DCHS2: variants seen among roughly 807,000 people sequenced by gnomAD.
DCHS2 encodes the protein dachsous cadherin-related 2, also known as protocadherin-23.
A neutral mutation model predicts 182.4 loss-of-function variants in DCHS2; 142 were observed. That is an observed-to-expected ratio of 0.78 (90% CI 0.68 to 0.89). DCHS2 has a LOEUF of 0.89. DCHS2 is among the 40% of genes least tolerant of loss of function. DCHS2 has a pLI of 0.00. For missense variants in DCHS2, 4,319 were observed against 4,198.6 expected, an observed-to-expected ratio of 1.03 and a Z score of -0.79; for synonymous variants, 1,740 against 1,663.3, an observed-to-expected ratio of 1.05 and a Z score of -1.12.
intron 3 of DCHS2, among the ~76,000 whole-genome samples, chr4:154,338,436 A>G (rs1335467990): frequency 6.6e-6 from 1 of 152,208 alleles, no homozygotes. Flanking sequence ...AATAATAATG[A>G]AAATACAAAA....
At chr4:154,362,624 T>C (rs1182848560) in intron 3 of DCHS2, among the ~76,000 whole-genome samples, 1 of 151,992 alleles carries the variant, frequency 6.6e-6, no homozygotes, top group Non-Finnish European at 1.5e-5. Context: ...ATTGCGTGAG[T>C]CCACTTATAC....
In DCHS2 at chr4:154,240,589, C is replaced by T. The variant is rs148775215; in HGVS notation, c.7307G>A (p.Arg2436His). Residue 2436 changes from arginine (R) to histidine (H), a missense_variant, in exon 18 of 20, where the codon CGT becomes CAT. Coordinates refer to ENST00000357232, the MANE Select transcript of DCHS2 (RefSeq NM_001358235.2). ...VHYTEGALVVRVLDVNDNPPV... is the reference protein window; with the variant it reads ...VHYTEGALVVHVLDVNDNPPV... ...TGGATTATCATTGACATCCAGCACA[C>T]GGACTACAAGTGCTCCCTCTGTGTA... 3.2e-5 allele frequency: 52 copies of T among 1,613,826 alleles called. No individual in the cohort carries two copies. The highest frequency in any genetic ancestry group is 4.5e-5 in the East Asian group (2 of 44,820).
intron 1 of DCHS2, among the ~76,000 whole-genome samples, chr4:154,454,249 A>G (rs186907860): frequency 7.9e-5 from 12 of 152,158 alleles, no homozygotes; most frequent in Admixed American, 2.0e-4. Flanking sequence ...CAATCTGCCT[A>G]TTCTTTTGTT....
At chr4:154,396,460 T>C (rs1362196031) in intron 1 of DCHS2, among the ~76,000 whole-genome samples, 1 of 152,168 alleles carries the variant, frequency 6.6e-6, no homozygotes, top group Non-Finnish European at 1.5e-5. Context: ...CATTCTCTAA[T>C]CAGCTCTAAC....
At chr4:154,259,197 C>A (rs1004154413) in intron 15 of DCHS2, among the ~76,000 whole-genome samples, 1 of 152,086 alleles carries the variant, frequency 6.6e-6, no homozygotes, top group Non-Finnish European at 1.5e-5. Flanking sequence ...TACACTCCTC[C>A]TTCAGGAGGA....
Position 154,491,788 on chromosome 4 carries a change from A to C in DCHS2, c.-433T>G. The C allele has an allele frequency of 1.0e-6, 1 of 971,868 alleles. No individual in the cohort carries two copies. Among genetic ancestry groups the C allele is most frequent in the Non-Finnish European group, 1.2e-6 (1 of 826,810 alleles). 60.2% of individuals were successfully genotyped at this position (971,868 alleles called of 1,614,324 possible). A position where few individuals can be genotyped will look rare whatever the true frequency, so the allele number is the denominator to read the frequency against. ...GAGAGGATGGGGATCTGGCCGGAGT[A>C]GGGGGTGGAGTAAGGGCGTGGAGGC... On this transcript the variant is annotated 5_prime_UTR_variant, in exon 1 of 20. Transcript: ENST00000357232.
At chr4:154,378,899 C>A (rs1004049556) in intron 1 of DCHS2, among the ~76,000 whole-genome samples, 5 of 152,118 alleles carry the variant, frequency 3.3e-5, no homozygotes, top group Non-Finnish European at 4.4e-5. Context: ...TTATGTGTAG[C>A]ACCATTCCAA....
chr4:154,333,362 G>T lies in DCHS2; in HGVS notation c.2846C>A (p.Thr949Lys), dbSNP rs757604120. 1.1e-5 allele frequency: 18 copies of T among 1,614,052 alleles called. No individual in the cohort carries two copies. In the South Asian group the frequency reaches 1.6e-4, roughly 15 times the overall value. Residue 949 changes from threonine (T) to lysine (K), a missense_variant, in exon 5 of 20, where the codon ACG (threonine) becomes AAG (lysine). Thr to Lys is a moderately conservative substitution (Grantham distance 78). Transcript: ENST00000357232. ...GGCGCTGCCGAGCTGCGCCTGCACCGTGAGCACAACCACGGGCTGCGTCTC... is the reference window on the plus strand; with the variant it reads ...GGCGCTGCCGAGCTGCGCCTGCACCTTGAGCACAACCACGGGCTGCGTCTC... ...DHETQPVVVL[T>K]VQAQLGSAPA...
chr4:154,323,788 T>C (rs150048891), intron 7 of DCHS2, among the ~76,000 whole-genome samples: 1,900 of 152,056 alleles, frequency 0.012, 28 homozygotes, highest in African/African-American at 0.042. Flanking sequence ...ATATAAAAAA[T>C]GAATTTCATG....
At chr4:154,337,599 T>C (rs116265020) in intron 3 of DCHS2, among the ~76,000 whole-genome samples, 1,922 of 152,258 alleles carry the variant, frequency 0.013, 43 homozygotes, top group African/African-American at 0.043. Flanking sequence ...CTCTGTACAG[T>C]ACCTTTTGCT....
chr4:154,336,476 C>T (rs549710312), intron 3 of DCHS2, among the ~76,000 whole-genome samples: 11 of 152,212 alleles, frequency 7.2e-5, no homozygotes, highest in African/African-American at 2.6e-4. Flanking sequence ...CTGGCCATAA[C>T]AATTAGTTAA....
At chr4:154,450,862 C>T (rs779836768) in intron 1 of DCHS2, among the ~76,000 whole-genome samples, 4 of 152,008 alleles carry the variant, frequency 2.6e-5, no homozygotes, top group Admixed American at 6.6e-5. Context: ...AGGCGGCTTC[C>T]ACCTCAGTGA....
intron 1 of DCHS2, among the ~76,000 whole-genome samples, chr4:154,429,701 T>C (rs1465753996): frequency 4.6e-5 from 7 of 151,792 alleles, no homozygotes; most frequent in Non-Finnish European, 7.4e-5. Flanking sequence ...TTTTTTTTTT[T>C]CTATTAGATA....
At position 154,490,350 on chromosome 4, in the gene DCHS2, G is replaced by T. The variant is rs1323929889; in HGVS notation, c.1006C>A (p.Arg336Ser). ...CCCGCCCCAGGCACTTGCCGGGCGC[G>T]GACGCTGTAGCGCACGAAGCCATTG... Reference protein sequence around the residue: ...GPNGFVRYSVRARQVPGAGSG... With the variant: ...GPNGFVRYSVSARQVPGAGSG... The change falls in exon 1 of 20, where the codon CGC becomes AGC. Residue 336 changes from arginine (R) to serine (S), a missense_variant. Arg to Ser is a moderately radical substitution (Grantham distance 110). Transcript: ENST00000357232. The T allele has an allele frequency of 6.5e-7, 1 of 1,539,860 alleles. No homozygotes were observed. The highest frequency in any genetic ancestry group is 8.7e-7 in the Non-Finnish European group (1 of 1,145,670).
chr4:154,401,947 T>A (rs1732201499), intron 1 of DCHS2, among the ~76,000 whole-genome samples: 1 of 152,198 alleles, frequency 6.6e-6, no homozygotes, highest in Non-Finnish European at 1.5e-5. Flanking sequence ...TTAGCTGAGA[T>A]CATGCAACTT....
intron 15 of DCHS2, among the ~76,000 whole-genome samples, chr4:154,256,821 G>A (rs1732699394): frequency 1.3e-5 from 2 of 152,024 alleles, no homozygotes; most frequent in South Asian, 4.1e-4. Flanking sequence ...TGCTGCCAGA[G>A]TTCTCAGGGG....
rs780658549 is a variant in DCHS2 at position 154,334,872 on chromosome 4, G to C, written c.2709C>G (p.Pro903=). The C allele has an allele frequency of 1.2e-6, 2 of 1,609,270 alleles. No individual in the cohort carries two copies. Among genetic ancestry groups the C allele is most frequent in the Non-Finnish European group, 1.7e-6 (2 of 1,175,656 alleles). The stretch of plus-strand genomic sequence containing the variant: ...GCATAAGAAATAAGTACTTACTCAA[G>C]GGCTCTCTTGCTTTCACTGTTCCAA... ...SPIGTVKARE[P]LNSSEPIFYR... Residue 903 remains proline, a synonymous_variant, in exon 4 of 20, where the codon CCC becomes CCG. Coordinates refer to ENST00000357232, the MANE Select transcript of DCHS2 (RefSeq NM_001358235.2).
intron 3 of DCHS2, among the ~76,000 whole-genome samples, chr4:154,365,995 A>G (rs1451973480): frequency 6.6e-6 from 1 of 152,046 alleles, no homozygotes; most frequent in African/African-American, 2.4e-5. Context: ...AGACCACAAG[A>G]TCAGTAGTAG....
intron 13 of DCHS2, 45 bp from the exon 14 acceptor site, chr4:154,270,058 T>A (rs758721683): frequency 3.8e-5 from 59 of 1,557,354 alleles, no homozygotes; most frequent in Non-Finnish European, 7.8e-6. Flanking sequence ...GATAAAAAAA[T>A]TTCATGGAAA....
Sources: gnomAD v4.1 joint callset for allele counts (sites outside exome capture counted in the v4.1 genomes callset) on GRCh38, gnomAD v4.1.1 for gene constraint, MANE v1.5 for transcripts, NCBI Gene and HGNC (gene_info 2026-07-23, HGNC 2026-07-21) for gene names.